The following IGSF10 variants were observed in gnomAD, a reference collection of about 807,000 sequenced individuals.
IGSF10 encodes the protein calvaria mechanical force protein 608.
A neutral mutation model predicts 128.2 loss-of-function variants in IGSF10; 126 were observed. The observed-to-expected ratio is 0.98, with a 90% CI of 0.85 to 1.14. The LOEUF is 1.14. Among genes scored for constraint, IGSF10 ranks in the 50% most tolerant of loss-of-function variants. IGSF10 has a pLI of 0.00. For synonymous variants in IGSF10, 1,185 were observed against 1,146.2 expected, an observed-to-expected ratio of 1.03 and a Z score of -0.68; for missense variants, 3,295 against 3,149.8, an observed-to-expected ratio of 1.05 and a Z score of -1.10.
the IGSF10 span, among the ~76,000 whole-genome samples, chr3:151,576,261 A>C: frequency 6.6e-6 from 1 of 152,054 alleles, no homozygotes; most frequent in East Asian, 1.9e-4. Flanking sequence ...TTAGCATTAC[A>C]AAATATCCGT....
At chr3:151,571,738 C>A in the IGSF10 span, among the ~76,000 whole-genome samples, 1 of 151,424 alleles carries the variant, frequency 6.6e-6, no homozygotes, top group African/African-American at 2.4e-5. Flanking sequence ...ATTGCCCTGG[C>A]CAGAACTTCC....
chr3:151,492,625 G>A, the IGSF10 span, among the ~76,000 whole-genome samples: 3 of 152,092 alleles, frequency 2.0e-5, no homozygotes, highest in Admixed American at 2.0e-4. Flanking sequence ...GGCTGAGGCA[G>A]GAGAATCACT....
the IGSF10 span, among the ~76,000 whole-genome samples, chr3:151,520,779 C>T: frequency 2.6e-5 from 4 of 151,762 alleles, no homozygotes; most frequent in Non-Finnish European, 5.9e-5. Flanking sequence ...CAAAAACACA[C>T]TTAAACATAA....
chr3:151,584,746 G>T, the IGSF10 span, among the ~76,000 whole-genome samples: 1 of 152,184 alleles, frequency 6.6e-6, no homozygotes, highest in Non-Finnish European at 1.5e-5. Flanking sequence ...TTTTGACAAG[G>T]TTGACAGCCA....
At chr3:151,438,851 GGT>G (rs1720650462) in intron 7 of IGSF10, among the ~76,000 whole-genome samples, 1 of 84,094 alleles carries the variant, frequency 1.2e-5, no homozygotes, top group African/African-American at 3.8e-5. Context: ...TACATTTTGA[GGT>G]ATATATATAT....
chr3:151,547,052 C>T, the IGSF10 span, among the ~76,000 whole-genome samples: 57 of 152,170 alleles, frequency 3.7e-4, no homozygotes, highest in African/African-American at 1.1e-3. Context: ...GGATTACAGG[C>T]GTGAACCACC....
chr3:151,602,639 G>T, the IGSF10 span, among the ~76,000 whole-genome samples: 1 of 151,550 alleles, frequency 6.6e-6, no homozygotes, highest in East Asian at 1.9e-4. Context: ...CTCATCATCG[G>T]CTGATCAGCT....
the IGSF10 span, among the ~76,000 whole-genome samples, chr3:151,593,083 A>G: frequency 1.3e-5 from 2 of 152,146 alleles, no homozygotes; most frequent in Non-Finnish European, 2.9e-5. Context: ...TATTAATTAA[A>G]CCTAAGTATA....
the IGSF10 span, among the ~76,000 whole-genome samples, chr3:151,564,366 T>C: frequency 6.6e-6 from 1 of 152,166 alleles, no homozygotes; most frequent in African/African-American, 2.4e-5. Context: ...TGGATCAAAT[T>C]GGCTTACATA....
the IGSF10 span, among the ~76,000 whole-genome samples, chr3:151,496,559 T>TATATGTGCCA: frequency 2.8e-4 from 17 of 61,634 alleles, no homozygotes; most frequent in East Asian, 5.7e-4. Flanking sequence ...TTCCATGGTT[T>TATATGTGCCA]CCTTAATCCA....
chr3:151,544,647 C>T, the IGSF10 span, among the ~76,000 whole-genome samples: 1 of 150,966 alleles, frequency 6.6e-6, no homozygotes, highest in Non-Finnish European at 1.5e-5. Context: ...ATCCTCTGTT[C>T]AATGACCTGT....
the IGSF10 span, among the ~76,000 whole-genome samples, chr3:151,498,008 T>A: frequency 6.6e-6 from 1 of 152,196 alleles, no homozygotes; most frequent in Non-Finnish European, 1.5e-5. Flanking sequence ...GCTTGTGATT[T>A]TTGCACATTG....
chr3:151,510,169 A>T, the IGSF10 span, among the ~76,000 whole-genome samples: 1 of 152,228 alleles, frequency 6.6e-6, no homozygotes, highest in East Asian at 1.9e-4. Flanking sequence ...GAATGGACAG[A>T]CTGCCTCTTC....
At chr3:151,543,471 C>G in the IGSF10 span, among the ~76,000 whole-genome samples, 1 of 152,172 alleles carries the variant, frequency 6.6e-6, no homozygotes, top group African/African-American at 2.4e-5. Context: ...CTCTTTCTCT[C>G]TCTGGGCAAG....
At chr3:151,486,609 C>T in the IGSF10 span, among the ~76,000 whole-genome samples, 18 of 152,042 alleles carry the variant, frequency 1.2e-4, no homozygotes, top group East Asian at 1.2e-3. Flanking sequence ...ATATCATAAC[C>T]GTCTCTCAGA....
At chr3:151,478,668 T>C in the IGSF10 span, among the ~76,000 whole-genome samples, 4 of 152,204 alleles carry the variant, frequency 2.6e-5, no homozygotes, top group South Asian at 8.3e-4. Context: ...TTACTTCTGA[T>C]CATCATAAGA....
At chr3:151,584,942 A>G in the IGSF10 span, among the ~76,000 whole-genome samples, 334 of 152,320 alleles carry the variant, frequency 2.2e-3, 1 homozygote, top group African/African-American at 7.8e-3. Context: ...TGTTCATTAT[A>G]TCCAGCAACT....
chr3:151,503,058 T>A, the IGSF10 span, among the ~76,000 whole-genome samples: 2 of 152,116 alleles, frequency 1.3e-5, no homozygotes, highest in African/African-American at 2.4e-5. Flanking sequence ...CTTCATCTTT[T>A]CTGTGTGAGA....
rs372469513 is a variant in IGSF10 at position 151,445,834 on chromosome 3, C to T, written c.4147G>A (p.Glu1383Lys). ...AMTPPVLTTAETSVKPSVSAF... is the reference protein window; with the variant it reads ...AMTPPVLTTAKTSVKPSVSAF... ...GAGACACTGGGCTTGACTGAAGTTT[C>T]GGCTGTGGTTAGAACAGGAGGTGTC... Residue 1383 changes from glutamate to lysine, a missense_variant, in exon 6 of 8, where the codon GAA becomes AAA. Physicochemically the swap from Glu to Lys is moderately conservative, Grantham distance 56. Transcript: ENST00000282466. 38 of 1,614,022 alleles carry T rather than the reference C, an allele frequency of 2.4e-5. No homozygotes were observed. The highest frequency in any genetic ancestry group is 1.3e-4 in the East Asian group (6 of 44,886).
Sources: gnomAD v4.1 joint callset for allele counts (sites outside exome capture counted in the v4.1 genomes callset) on GRCh38, gnomAD v4.1.1 for gene constraint, MANE v1.5 for transcripts, NCBI Gene and HGNC (gene_info 2026-07-23, HGNC 2026-07-21) for gene names.